The following CAMK4 variants were observed in gnomAD, a reference collection of about 807,000 sequenced individuals.
CAMK4 encodes the protein calcium/calmodulin-dependent protein kinase type IV.
Under a neutral mutation model 44.9 loss-of-function variants are expected in CAMK4, and 22 were observed. The observed-to-expected ratio is 0.49, with a 90% CI of 0.35 to 0.70. The LOEUF (loss-of-function observed/expected upper bound fraction) is 0.70. CAMK4 is among the 30% of genes least tolerant of loss of function. The probability of loss-of-function intolerance (pLI) is 0.01; values close to 1 mark genes in which losing one functional copy is unlikely to be tolerated. For missense variants in CAMK4, 498 were observed against 586.8 expected (o/e 0.85, Z 1.56); for synonymous variants, 218 against 215.4 (o/e 1.01, Z -0.11).
At chr5:111,471,333 A>G (rs1275203303) in intron 7 of CAMK4, among the ~76,000 whole-genome samples, 1 of 152,198 alleles carries the variant, frequency 6.6e-6, no homozygotes, top group Non-Finnish European at 1.5e-5. Context: ...CATGAGCAAG[A>G]TTTATTTTTT....
chr5:111,329,442 CT>C (rs140972468), intron 1 of CAMK4, among the ~76,000 whole-genome samples: 8,168 of 151,884 alleles, frequency 0.054, 347 homozygotes, highest in East Asian at 0.21. Context: ...CAAATTGTCC[CT>C]GTTTACAGAT....
chr5:111,343,785 A>G (rs1394401800), intron 1 of CAMK4, among the ~76,000 whole-genome samples: 2 of 151,724 alleles, frequency 1.3e-5, no homozygotes, highest in Non-Finnish European at 2.9e-5. Flanking sequence ...TGTTACTTGT[A>G]TAGGGATAAG....
chr5:111,340,943 G>T (rs911315982), intron 1 of CAMK4, among the ~76,000 whole-genome samples: 1 of 150,610 alleles, frequency 6.6e-6, no homozygotes, highest in Admixed American at 6.6e-5. Flanking sequence ...AGTCTTGGTA[G>T]GTTGTATGTA....
At chr5:111,441,944 T>G (rs1403135709) in intron 5 of CAMK4, among the ~76,000 whole-genome samples, 1 of 152,240 alleles carries the variant, frequency 6.6e-6, no homozygotes, top group Admixed American at 6.5e-5. Flanking sequence ...TTATTTTCTT[T>G]TCCTCGTCTC....
At position 111,287,041 on chromosome 5, in the gene CAMK4, T is replaced by C. The variant is rs373001363; in HGVS notation, c.162-56983T>C. On this transcript the variant is annotated intron_variant, in intron 1 of 10. Transcript: ENST00000282356. The stretch of plus-strand genomic sequence containing the variant: ...TCACAGGTAATCAAATTCCATCACC[T>C]CTTTGTTAAAAGATGCTGATTGGTG... Among the ~76,000 whole-genome samples the C allele has an allele frequency of 6.6e-5, 10 of 152,338 alleles. No individual in the cohort carries two copies. The South Asian group carries it at 1.7e-3, about 25-fold the overall frequency.
At chr5:111,302,175 T>G (rs550797330) in intron 1 of CAMK4, 86 of 152,344 alleles carry the variant, frequency 5.6e-4, no homozygotes, top group African/African-American at 1.9e-3. Context: ...TTAAACATTT[T>G]TGGAAACTGC....
At position 111,377,452 on chromosome 5, in the gene CAMK4, A is replaced by G. The variant is rs968041724; in HGVS notation, c.386+510A>G. Reference sequence around the variant, plus strand: ...TAAACATGTTCTGTTATAGCCAATTATTGCCAACTTTGGTTTCCTGTTCAT... The same window carrying G: ...TAAACATGTTCTGTTATAGCCAATTGTTGCCAACTTTGGTTTCCTGTTCAT... On this transcript the variant is annotated intron_variant, in intron 4 of 10. Coordinates refer to ENST00000282356, the MANE Select transcript of CAMK4 (RefSeq NM_001744.6). Among the ~76,000 whole-genome samples the G allele has an allele frequency of 3.9e-5, 5 of 127,188 alleles. No individual in the cohort carries two copies. The East Asian group carries it at 1.2e-3, about 32-fold the overall frequency. The allele number at this position is 127,188 out of a possible 152,430, so 83.4% of individuals were successfully genotyped here.
intron 2 of CAMK4, among the ~76,000 whole-genome samples, chr5:111,371,346 T>A (rs930750382): frequency 1.3e-5 from 2 of 152,224 alleles, no homozygotes; most frequent in African/African-American, 4.8e-5. Flanking sequence ...ACTGTTTTAA[T>A]ATTAGCAGCA....
At chr5:111,425,637 G>T (rs1462947896) in intron 5 of CAMK4, among the ~76,000 whole-genome samples, 1 of 152,206 alleles carries the variant, frequency 6.6e-6, no homozygotes, top group East Asian at 1.9e-4. Flanking sequence ...AGCATGGTTT[G>T]TTATGACAAG....
chr5:111,428,042 G>T (rs370932678), intron 5 of CAMK4, among the ~76,000 whole-genome samples: 1 of 152,110 alleles, frequency 6.6e-6, no homozygotes, highest in African/African-American at 2.4e-5. Context: ...CAGAACAAAC[G>T]GAGACTCTGT....
rs1006384111 is a variant in CAMK4 at position 111,488,968 on chromosome 5, T to C, written c.*4502T>C. ...TTGTAATTTCCTTGTAATTCCTGCC[T>C]ATTAGTCCATATTCTGATTTCCTTA... is the stretch of plus-strand genomic sequence containing the variant. On this transcript the variant is annotated 3_prime_UTR_variant, in exon 11 of 11. Coordinates refer to ENST00000282356, the MANE Select transcript of CAMK4 (RefSeq NM_001744.6). 2 of 152,242 alleles carry C rather than the reference T, an allele frequency of 1.3e-5. No homozygotes were observed. The highest frequency in any genetic ancestry group is 2.9e-5 in the Non-Finnish European group (2 of 68,034). The allele number at this position is 152,242 out of a possible 1,614,324, so 9.4% of individuals were successfully genotyped here. A position where few individuals can be genotyped will look rare whatever the true frequency, so the allele number is the denominator to read the frequency against.
chr5:111,300,965 T>C (rs1747693940), intron 1 of CAMK4, among the ~76,000 whole-genome samples: 1 of 148,520 alleles, frequency 6.7e-6, no homozygotes, highest in Non-Finnish European at 1.5e-5. Context: ...ATTTTACATA[T>C]GGGATTTTAT....
chr5:111,411,946 C>T (rs1445165687), intron 5 of CAMK4, among the ~76,000 whole-genome samples: 5 of 152,026 alleles, frequency 3.3e-5, no homozygotes, highest in Non-Finnish European at 7.4e-5. Flanking sequence ...CAAAAAGATT[C>T]ATGTGTTTTG....
intron 1 of CAMK4, among the ~76,000 whole-genome samples, chr5:111,266,611 C>T (rs181436696): frequency 1.3e-5 from 2 of 152,296 alleles, no homozygotes; most frequent in East Asian, 3.9e-4. Flanking sequence ...AACTCTTTCA[C>T]TCCTACCTGT....
chr5:111,383,257 T>C (rs1751482394), intron 4 of CAMK4, among the ~76,000 whole-genome samples: 1 of 152,122 alleles, frequency 6.6e-6, no homozygotes, highest in Non-Finnish European at 1.5e-5. Flanking sequence ...GATTTGGTTT[T>C]TAGAAAAAAC....
At chr5:111,361,240 G>C (rs543645123) in intron 2 of CAMK4, among the ~76,000 whole-genome samples, 2 of 151,902 alleles carry the variant, frequency 1.3e-5, no homozygotes, top group South Asian at 2.1e-4. Context: ...TTATTTAACA[G>C]TATACAAAAT....
intron 1 of CAMK4, among the ~76,000 whole-genome samples, chr5:111,237,408 T>A (rs745793838): frequency 6.6e-6 from 1 of 152,270 alleles, no homozygotes; most frequent in Non-Finnish European, 1.5e-5. Context: ...TTATGTTGTT[T>A]AGGAGACAGA....
At chr5:111,350,052 G>A (rs1390878116) in intron 2 of CAMK4, among the ~76,000 whole-genome samples, 1 of 152,018 alleles carries the variant, frequency 6.6e-6, no homozygotes, top group Admixed American at 6.6e-5. Flanking sequence ...GTTGTGGTCT[G>A]TGGTGCCAGA....
chr5:111,402,722 G>A (rs1485642221), intron 5 of CAMK4, among the ~76,000 whole-genome samples: 3 of 152,148 alleles, frequency 2.0e-5, no homozygotes, highest in Non-Finnish European at 4.4e-5. Flanking sequence ...TGAGTTTTGG[G>A]AAAAATTTTC....
Sources: allele counts gnomAD v4.1 joint callset (sites outside exome capture counted in the v4.1 genomes callset), GRCh38; gene constraint gnomAD v4.1.1; transcripts MANE v1.5; gene names NCBI Gene and HGNC (gene_info 2026-07-23, HGNC 2026-07-21).